SCFD1: variants seen among roughly 807,000 people sequenced by gnomAD.
SCFD1 encodes the protein sec1 family domain-containing protein 1.
In SCFD1, 37 loss-of-function variants were observed where a neutral mutation model predicts 103.2. The ratio of observed to expected loss-of-function variants is 0.36; its 90% CI spans 0.28 to 0.47. SCFD1 has a LOEUF of 0.47. SCFD1 is among the 20% of genes least tolerant of loss of function. The pLI, the probability that SCFD1 is intolerant of heterozygous loss-of-function variation, is 1.00. For missense variants in SCFD1, 639 were observed against 761.2 expected (o/e 0.84, Z 1.89); for synonymous variants, 264 against 245.0 (o/e 1.08, Z -0.73).
chr14:30,646,637 A>G (rs182555494), intron 7 of SCFD1, among the ~76,000 whole-genome samples: 105 of 152,278 alleles, frequency 6.9e-4, no homozygotes, highest in African/African-American at 2.5e-3. Flanking sequence ...GCCTCATTGA[A>G]TGAGATAGGG....
chr14:30,723,075 G>A (rs1892766198), intron 23 of SCFD1, among the ~76,000 whole-genome samples: 2 of 152,128 alleles, frequency 1.3e-5, no homozygotes, highest in Non-Finnish European at 2.9e-5. Flanking sequence ...ACTTTGAAGA[G>A]GAAAAACACT....
chr14:30,713,599 G>C (rs1056415683), intron 19 of SCFD1, among the ~76,000 whole-genome samples: 15 of 152,056 alleles, frequency 9.9e-5, no homozygotes, highest in Admixed American at 6.6e-4. Flanking sequence ...ATTTATCATG[G>C]AATATTGGTA....
chr14:30,642,951 C>T (rs767437560), intron 6 of SCFD1, among the ~76,000 whole-genome samples: 1 of 152,034 alleles, frequency 6.6e-6, no homozygotes, highest in Non-Finnish European at 1.5e-5. Flanking sequence ...GTAGGAGGAT[C>T]GCTTGAGCCC....
At chr14:30,655,296 T>C (rs117513489) in intron 10 of SCFD1, among the ~76,000 whole-genome samples, 4,567 of 152,190 alleles carry the variant, frequency 0.03, 84 homozygotes, top group Middle Eastern at 0.065. Flanking sequence ...ATGACTAATA[T>C]GTTTGGAAAA....
intron 10 of SCFD1, among the ~76,000 whole-genome samples, chr14:30,662,096 A>G (rs983384333): frequency 6.6e-6 from 1 of 152,180 alleles, no homozygotes; most frequent in Admixed American, 6.5e-5. Context: ...TTACAGGAGG[A>G]ATATTTGCCT....
At chr14:30,731,292 C>T (rs886545252) in intron 23 of SCFD1, among the ~76,000 whole-genome samples, 2 of 152,174 alleles carry the variant, frequency 1.3e-5, no homozygotes, top group African/African-American at 2.4e-5. Flanking sequence ...TGTGATGCCT[C>T]CAGCTTTGTT....
chr14:30,680,513 C>A (rs932571953), intron 14 of SCFD1, among the ~76,000 whole-genome samples: 3 of 152,174 alleles, frequency 2.0e-5, no homozygotes, highest in African/African-American at 4.8e-5. Context: ...GTTTTTAAGT[C>A]CCATGTTCTC....
At chr14:30,645,011 T>C (rs1885668965) in intron 7 of SCFD1, among the ~76,000 whole-genome samples, 1 of 152,112 alleles carries the variant, frequency 6.6e-6, no homozygotes, top group Admixed American at 6.6e-5. Context: ...TTTTTGTATA[T>C]GGTGAAAGGA....
chr14:30,716,819 T>C (rs1892311632), intron 20 of SCFD1, among the ~76,000 whole-genome samples: 1 of 151,772 alleles, frequency 6.6e-6, no homozygotes, highest in African/African-American at 2.4e-5. Context: ...AATTCACTGG[T>C]GTGAAAACAA....
intron 14 of SCFD1, among the ~76,000 whole-genome samples, chr14:30,693,207 A>G (rs1407868039): frequency 6.6e-6 from 1 of 152,212 alleles, no homozygotes; most frequent in Non-Finnish European, 1.5e-5. Flanking sequence ...AAGGGCAGAA[A>G]AGTACAGTAT....
chr14:30,682,291 AT>A (rs1199668107), intron 14 of SCFD1, among the ~76,000 whole-genome samples: 1 of 152,228 alleles, frequency 6.6e-6, no homozygotes, highest in Non-Finnish European at 1.5e-5. Flanking sequence ...AGTAAAATGA[AT>A]TTTGTTCAAG....
chr14:30,657,570 AGGTT>A (rs1489662954), intron 10 of SCFD1, among the ~76,000 whole-genome samples: 1 of 152,200 alleles, frequency 6.6e-6, no homozygotes, highest in Non-Finnish European at 1.5e-5. Flanking sequence ...ATCTTTGAAG[AGGTT>A]GGTTATAATT....
At chr14:30,634,802 A>G (rs1391262780) in intron 4 of SCFD1, 2 of 455,994 alleles carry the variant, frequency 4.4e-6, no homozygotes, top group Non-Finnish European at 8.8e-6. Flanking sequence ...TAGGCATCAA[A>G]TCTATGTTCA....
chr14:30,711,686 G>C (rs1891884010), intron 19 of SCFD1, among the ~76,000 whole-genome samples: 2 of 151,922 alleles, frequency 1.3e-5, no homozygotes, highest in Admixed American at 1.3e-4. Context: ...ATAAATCACT[G>C]TTAATTATGT....
chr14:30,646,286 G>A lies in SCFD1; in HGVS notation c.613+2881G>A, dbSNP rs143350786. 8.2e-3 allele frequency among the ~76,000 whole-genome samples: 1,248 copies of A among 152,290 alleles called. 8 individuals are homozygous for A. The highest frequency in any genetic ancestry group is 0.014 in the Non-Finnish European group (958 of 68,030). ...TCCACCTGCCTCGGCCTCCCAAAGT[G>A]CTGGAATTACAGGCGTGAGCCACCA... On this transcript the variant is annotated intron_variant, in intron 7 of 24. Coordinates refer to ENST00000458591, the MANE Select transcript of SCFD1 (RefSeq NM_016106.4).
chr14:30,694,620 A>G (rs1423230458), intron 14 of SCFD1, among the ~76,000 whole-genome samples, 153 bp from the exon 15 acceptor site: 1 of 152,168 alleles, frequency 6.6e-6, no homozygotes, highest in Non-Finnish European at 1.5e-5. Context: ...GCACCACTGT[A>G]CTTCAGCCTG....
At chr14:30,627,015 C>T (rs957651640) in intron 1 of SCFD1, among the ~76,000 whole-genome samples, 14 of 152,146 alleles carry the variant, frequency 9.2e-5, no homozygotes, top group Non-Finnish European at 1.9e-4. Flanking sequence ...TTCTGTATTA[C>T]TTAAAGCCTG....
At position 30,628,244 on chromosome 14, in the gene SCFD1, C is replaced by A. The variant is rs1320213183; in HGVS notation, c.97C>A (p.His33Asn). 6.2e-7 allele frequency: 1 copy of A among 1,611,940 alleles called. No homozygotes were observed. Among genetic ancestry groups the A allele is most frequent in the African/African-American group, 1.3e-5 (1 of 74,846 alleles). Residue 33 changes from histidine to asparagine, a missense_variant, in exon 2 of 25, where the codon CAT (histidine) becomes AAT (asparagine). Transcript: ENST00000458591. ...LKRMLNFNVP[H>N]IKNSTGEPVW... is the part of the protein sequence containing the mutation. ...GCGTATGTTGAATTTCAATGTGCCTCATATTAAAAACAGCACAGGAGAACC... is the reference window on the plus strand; with the variant it reads ...GCGTATGTTGAATTTCAATGTGCCTAATATTAAAAACAGCACAGGAGAACC...
At chr14:30,662,816 G>T (rs755112725) in intron 10 of SCFD1, among the ~76,000 whole-genome samples, 38 of 152,166 alleles carry the variant, frequency 2.5e-4, no homozygotes, top group Admixed American at 5.2e-4. Context: ...CTTGGGAAAA[G>T]AAAACAAGAC....
Sources: allele counts gnomAD v4.1 joint callset (sites outside exome capture counted in the v4.1 genomes callset), GRCh38; gene constraint gnomAD v4.1.1; transcripts MANE v1.5; gene names NCBI Gene and HGNC (gene_info 2026-07-23, HGNC 2026-07-21).